EXOC6: variants seen among roughly 807,000 people sequenced by gnomAD.
EXOC6 encodes exocyst complex component 6, also known as SEC15-like 1.
Under a neutral mutation model 112.5 loss-of-function variants are expected in EXOC6, and 60 were observed. The observed-to-expected ratio is 0.53, with a 90% CI of 0.43 to 0.66. The LOEUF (loss-of-function observed/expected upper bound fraction) is 0.66, where lower values mean the gene tolerates loss of function less well. EXOC6 is among the 30% of genes least tolerant of loss of function. The pLI, the probability that EXOC6 is intolerant of heterozygous loss-of-function variation, is 0.00. For missense variants in EXOC6, 855 were observed against 957.1 expected (o/e 0.89, Z 1.41); for synonymous variants, 295 against 308.0 (o/e 0.96, Z 0.44).
intron 20 of EXOC6, among the ~76,000 whole-genome samples, chr10:93,038,040 C>CAA (rs1156726278): frequency 3.2e-3 from 85 of 26,458 alleles, no homozygotes; most frequent in South Asian, 5.7e-3. Flanking sequence ...ACTCCGTCTC[C>CAA]AAAAAAAAAA....
chr10:93,054,671 G>A (rs1358287218), intron 20 of EXOC6, among the ~76,000 whole-genome samples: 1 of 152,192 alleles, frequency 6.6e-6, no homozygotes, highest in Non-Finnish European at 1.5e-5. Context: ...AGTTGGTGCG[G>A]GTTTTTCATT....
intron 1 of EXOC6, among the ~76,000 whole-genome samples, chr10:92,837,271 T>C (rs1187248164): frequency 6.6e-6 from 1 of 152,144 alleles, no homozygotes; most frequent in Non-Finnish European, 1.5e-5. Context: ...GCTCATGGGC[T>C]AATGGTGACG....
intron 18 of EXOC6, among the ~76,000 whole-genome samples, chr10:92,982,040 C>T (rs1384303795): frequency 1.3e-5 from 2 of 151,958 alleles, no homozygotes; most frequent in Non-Finnish European, 2.9e-5. Flanking sequence ...CACTTGAACC[C>T]GGGAGGCAGA....
intron 9 of EXOC6, among the ~76,000 whole-genome samples, chr10:92,931,317 TAAAC>T (rs1213449603): frequency 6.6e-6 from 1 of 151,520 alleles, no homozygotes; most frequent in Non-Finnish European, 1.5e-5. Context: ...TTTACTAGAA[TAAAC>T]AGAAAATAGA....
Position 92,975,529 on chromosome 10 carries a change from G to T in EXOC6, c.1953+1297G>T, listed in dbSNP as rs560408156. 5.6e-3 allele frequency among the ~76,000 whole-genome samples: 842 copies of T among 149,192 alleles called. 5 individuals carry two copies. The highest frequency in any genetic ancestry group is 8.6e-3 in the Non-Finnish European group (576 of 66,984). ...CGCCCCGTCCAGGAGGGAGGTGGGG[G>T]GGTCAGCCCCCCAGCCGCCCCGTCC... On this transcript the variant is annotated intron_variant, in intron 18 of 21. Coordinates refer to ENST00000260762, the MANE Select transcript of EXOC6 (RefSeq NM_019053.6).
At chr10:92,877,293 C>CT (rs140421400) in intron 1 of EXOC6, among the ~76,000 whole-genome samples, 94 of 150,054 alleles carry the variant, frequency 6.3e-4, no homozygotes, top group Middle Eastern at 3.4e-3. Context: ...CTCCTTTTAT[C>CT]TTTTTTTTTT....
chr10:92,887,390 ATTTTT>A (rs11304638), intron 1 of EXOC6, among the ~76,000 whole-genome samples: 1 of 83,768 alleles, frequency 1.2e-5, no homozygotes. Context: ...GATTAATTTA[ATTTTT>A]TTTTTTTTTT....
chr10:92,861,992 G>A (rs2058147817), intron 1 of EXOC6, among the ~76,000 whole-genome samples: 1 of 152,100 alleles, frequency 6.6e-6, no homozygotes, highest in African/African-American at 2.4e-5. Context: ...TTCCTAAATA[G>A]AGGTAACATC....
At chr10:92,858,203 G>T (rs1196476197) in intron 1 of EXOC6, among the ~76,000 whole-genome samples, 2 of 151,954 alleles carry the variant, frequency 1.3e-5, no homozygotes, top group Non-Finnish European at 2.9e-5. Context: ...CCTGGATATG[G>T]ATCTCTTTAT....
At chr10:93,018,276 A>G (rs752620464) in intron 20 of EXOC6, among the ~76,000 whole-genome samples, 42 of 152,176 alleles carry the variant, frequency 2.8e-4, no homozygotes, top group Admixed American at 5.9e-4. Context: ...TTATTTTTAA[A>G]AGGTATAATA....
intron 14 of EXOC6, among the ~76,000 whole-genome samples, chr10:92,949,520 G>A (rs1853264112): frequency 6.7e-6 from 1 of 149,576 alleles, no homozygotes; most frequent in South Asian, 2.1e-4. Flanking sequence ...TACTGGTAAT[G>A]AGTTTGTTCA....
At chr10:92,906,854 C>T (rs1218522867) in intron 5 of EXOC6, among the ~76,000 whole-genome samples, 10 of 151,910 alleles carry the variant, frequency 6.6e-5, no homozygotes, top group African/African-American at 2.4e-4. Flanking sequence ...TTTATATTCC[C>T]CTTATAGGTT....
rs1315670764 is a variant in EXOC6, at chr10:92,896,173, ATATATATATTTTTTTTTTTTTTTTTTT to A, written c.412+1155_412+1181del. Reference sequence around the variant, plus strand: ...TATATATATATATATATATATATATATATATATATTTTTTTTTTTTTTTTTTTTTTTTTTTTTTTTTTTTGGCGGAGT... The same window carrying A: ...TATATATATATATATATATATATATATTTTTTTTTTTTTTTTTGGCGGAGT... On this transcript the variant is annotated intron_variant, in intron 4 of 21. Coordinates refer to ENST00000260762, the MANE Select transcript of EXOC6 (RefSeq NM_019053.6). Among the ~76,000 whole-genome samples, 156 of 23,798 alleles carry A rather than the reference ATATATATATTTTTTTTTTTTTTTTTTT, an allele frequency of 6.6e-3. 14 individuals are homozygous for A. Among genetic ancestry groups the A allele is most frequent in the African/African-American group, 0.028 (149 of 5,258 alleles). 15.6% of individuals were successfully genotyped at this position (23,798 alleles called of 152,430 possible).
intron 17 of EXOC6, among the ~76,000 whole-genome samples, chr10:92,963,063 C>T (rs147363988): frequency 5.3e-5 from 8 of 152,174 alleles, no homozygotes; most frequent in Admixed American, 3.3e-4. Flanking sequence ...TTGGTATAAA[C>T]CCATGCACAG....
At chr10:92,982,948 T>C (rs77392868) in intron 18 of EXOC6, among the ~76,000 whole-genome samples, 3 of 152,220 alleles carry the variant, frequency 2.0e-5, no homozygotes, top group Non-Finnish European at 4.4e-5. Context: ...CTTTCTTTAA[T>C]TGAGAAACAA....
intron 1 of EXOC6, among the ~76,000 whole-genome samples, chr10:92,866,507 A>G (rs551624629): frequency 1.8e-4 from 28 of 152,300 alleles, no homozygotes; most frequent in African/African-American, 6.5e-4. Flanking sequence ...ATATCCAATT[A>G]TTATTTATTA....
chr10:92,876,340 T>A (rs570790645), intron 1 of EXOC6, among the ~76,000 whole-genome samples: 27 of 152,230 alleles, frequency 1.8e-4, no homozygotes, highest in African/African-American at 6.0e-4. Flanking sequence ...AATGCATTAT[T>A]TAATCTTAAC....
At chr10:93,042,926 CTAT>C (rs146131116) in intron 20 of EXOC6, among the ~76,000 whole-genome samples, 59,847 of 142,778 alleles carry the variant, frequency 0.42, 14,779 homozygotes, top group Non-Finnish European at 0.58. Context: ...AGATATTTTA[CTAT>C]TATTATTATT....
intron 8 of EXOC6, among the ~76,000 whole-genome samples, chr10:92,926,084 G>A (rs1055741406): frequency 7.3e-5 from 11 of 150,602 alleles, no homozygotes; most frequent in African/African-American, 2.7e-4. Context: ...CCCTAAGTCT[G>A]CAGGTCAGAA....
Sources: gnomAD v4.1 joint callset for allele counts (sites outside exome capture counted in the v4.1 genomes callset) on GRCh38, gnomAD v4.1.1 for gene constraint, MANE v1.5 for transcripts, NCBI Gene and HGNC (gene_info 2026-07-23, HGNC 2026-07-21) for gene names.